Variants in PTPRF observed in about 807,000 individuals in gnomAD.
The protein encoded by PTPRF is receptor-type tyrosine-protein phosphatase F.
A neutral mutation model predicts 201.8 loss-of-function variants in PTPRF; 59 were observed. The observed-to-expected ratio is 0.29, with a 90% CI of 0.24 to 0.36. The LOEUF (loss-of-function observed/expected upper bound fraction) is 0.36. PTPRF is among the 10% of genes least tolerant of loss of function. The probability of loss-of-function intolerance (pLI) is 1.00; values close to 1 mark genes in which losing one functional copy is unlikely to be tolerated. For missense variants in PTPRF, 2,132 were observed against 2,690.5 expected (o/e 0.79, Z 4.59); for synonymous variants, 1,088 against 1,089.7 (o/e 1.00, Z 0.03).
At chr1:43,549,216 CAGA>C (rs1314287808) in intron 3 of PTPRF, among the ~76,000 whole-genome samples, 3 of 152,204 alleles carry the variant, frequency 2.0e-5, no homozygotes, top group Non-Finnish European at 4.4e-5. Context: ...GACCCAGTCT[CAGA>C]AGTTGTGTTC....
At chr1:43,614,313 G>A (rs1657199750) in intron 23 of PTPRF, among the ~76,000 whole-genome samples, 1 of 152,226 alleles carries the variant, frequency 6.6e-6, no homozygotes, top group East Asian at 1.9e-4. Flanking sequence ...GCTCACGTGT[G>A]TACTCCGATG....
chr1:43,609,560 C>A, intron 22 of PTPRF, 62 bp downstream of exon 22: 2 of 1,272,298 alleles, frequency 1.6e-6, no homozygotes, highest in Non-Finnish European at 1.1e-6. Context: ...TGGGTCTGTT[C>A]TGCAGGTCTC....
chr1:43,604,849 C>T, intron 16 of PTPRF, 54 bp from the exon 17 acceptor site: 3 of 1,484,868 alleles, frequency 2.0e-6, no homozygotes, highest in Non-Finnish European at 2.8e-6. Flanking sequence ...CCTTCCAGCC[C>T]ATTCACCCCA....
Position 43,536,875 on chromosome 1 carries a change from G to A in PTPRF, c.-125-1323G>A, listed in dbSNP as rs569912070. Among the ~76,000 whole-genome samples the A allele has an allele frequency of 8.5e-5, 13 of 152,278 alleles. No individual in the cohort carries two copies. In the South Asian group the frequency reaches 1.7e-3, roughly 19 times the overall value. ...GGGTCAGTTGGGATGGCCTTCAGTCGGTGAGAGTACCCCCATATTGGCAGA... is the reference window on the plus strand; with the variant it reads ...GGGTCAGTTGGGATGGCCTTCAGTCAGTGAGAGTACCCCCATATTGGCAGA... On this transcript the variant is annotated intron_variant, in intron 1 of 33. Transcript: ENST00000359947.
At chr1:43,609,680 C>T (rs760156749) in intron 22 of PTPRF, among the ~76,000 whole-genome samples, 182 bp downstream of exon 22, 1 of 152,212 alleles carries the variant, frequency 6.6e-6, no homozygotes, top group African/African-American at 2.4e-5. Context: ...CTGGGGAGCC[C>T]CCATATCCTG....
chr1:43,598,356 C>T lies in PTPRF; in HGVS notation c.2119+303C>T, dbSNP rs139145442. 137 of 459,092 alleles carry T rather than the reference C, an allele frequency of 3.0e-4. 1 individual carries two copies. The highest frequency in any genetic ancestry group is 2.4e-3 in the African/African-American group (122 of 50,476). The allele number at this position is 459,092 out of a possible 1,614,324, so 28.4% of individuals were successfully genotyped here. A position where few individuals can be genotyped will look rare whatever the true frequency, so the allele number is the denominator to read the frequency against. On this transcript the variant is annotated intron_variant, in intron 12 of 33. Transcript: ENST00000359947. ...TAAAAGATACTCAAAGTAGAATCAGCAAGACTCCACGTTGGCTGGACATTG... is the reference window on the plus strand; with the variant it reads ...TAAAAGATACTCAAAGTAGAATCAGTAAGACTCCACGTTGGCTGGACATTG...
chr1:43,609,942 C>T (rs976088601), intron 22 of PTPRF, among the ~76,000 whole-genome samples: 2 of 152,156 alleles, frequency 1.3e-5, no homozygotes, highest in Admixed American at 6.5e-5. Context: ...TCCTGGAGGC[C>T]GACCCCAGGT....
At chr1:43,613,457 G>A (rs1201165573) in intron 22 of PTPRF, 161 bp from the exon 23 acceptor site, 10 of 666,088 alleles carry the variant, frequency 1.5e-5, no homozygotes, top group East Asian at 2.7e-5. Flanking sequence ...CCCACCCTCC[G>A]CCATCCCTGT....
chr1:43,565,112 C>G (rs1291905716), intron 5 of PTPRF, among the ~76,000 whole-genome samples: 1 of 152,200 alleles, frequency 6.6e-6, no homozygotes, highest in East Asian at 1.9e-4. Flanking sequence ...GGAAAGCTTT[C>G]TGCCTCCCAT....
At chr1:43,563,598 G>A (rs1645958600) in intron 5 of PTPRF, among the ~76,000 whole-genome samples, 2 of 152,174 alleles carry the variant, frequency 1.3e-5, no homozygotes, top group Non-Finnish European at 2.9e-5. Context: ...AATGCCAAGA[G>A]AAAAAAGTGT....
At chr1:43,540,330 G>A (rs562346167) in intron 2 of PTPRF, among the ~76,000 whole-genome samples, 22 of 152,276 alleles carry the variant, frequency 1.4e-4, no homozygotes, top group African/African-American at 5.3e-4. Context: ...GAAAATTGGG[G>A]AGGGTCAGTG....
chr1:43,551,474 G>A (rs992674484), intron 3 of PTPRF, among the ~76,000 whole-genome samples: 1 of 152,122 alleles, frequency 6.6e-6, no homozygotes, highest in East Asian at 1.9e-4. Flanking sequence ...CTTCTGTGGT[G>A]TCTTCTTGTC....
intron 6 of PTPRF, among the ~76,000 whole-genome samples, chr1:43,570,181 G>T (rs1646473781): frequency 6.6e-6 from 1 of 152,204 alleles, no homozygotes. Context: ...AAAGGTGCCT[G>T]ATTCATCAGG....
At chr1:43,620,396 G>A in intron 30 of PTPRF, 58 bp from the exon 31 acceptor site, 1 of 1,551,904 alleles carries the variant, frequency 6.4e-7, no homozygotes, top group South Asian at 1.2e-5. Flanking sequence ...TGTGAAGCCT[G>A]GCACCCCTCC....
At chr1:43,550,194 G>T (rs771589250) in intron 3 of PTPRF, among the ~76,000 whole-genome samples, 12 of 152,194 alleles carry the variant, frequency 7.9e-5, no homozygotes, top group Non-Finnish European at 1.6e-4. Flanking sequence ...AGCCTCCAAG[G>T]GAGGGGAGTT....
chr1:43,542,535 A>G lies in PTPRF; in HGVS notation c.-45-2496A>G, dbSNP rs1298321895. Among the ~76,000 whole-genome samples the G allele has an allele frequency of 6.6e-6, 1 of 152,122 alleles. No homozygotes were observed. Among genetic ancestry groups the G allele is most frequent in the Non-Finnish European group, 1.5e-5 (1 of 68,004 alleles). On this transcript the variant is annotated intron_variant, in intron 2 of 33. Coordinates refer to ENST00000359947, the MANE Select transcript of PTPRF (RefSeq NM_002840.5). The surrounding 1 kb of genome is among the most constrained non-coding windows in gnomAD (Gnocchi z 5.2). ...CTGAGGCCCAAGTTCTCCAACACCC[A>G]TGGCCAGACTCTCATCCAGGCTTGT...
chr1:43,549,054 G>A (rs532093634), intron 3 of PTPRF, among the ~76,000 whole-genome samples: 29 of 152,280 alleles, frequency 1.9e-4, no homozygotes, highest in African/African-American at 5.8e-4. Context: ...GAATGTTGCC[G>A]TCCATACCCC....
intron 21 of PTPRF, among the ~76,000 whole-genome samples, chr1:43,607,521 C>T (rs1655413498): frequency 1.3e-5 from 2 of 152,204 alleles, no homozygotes; most frequent in African/African-American, 4.8e-5. Flanking sequence ...CGGCAGTGGC[C>T]ACCACCTGCC....
chr1:43,530,867 G>C (rs1212962429), upstream of PTPRF: 1 of 152,400 alleles, frequency 6.6e-6, no homozygotes, highest in Non-Finnish European at 1.5e-5. This position sits in a 1 kb window ranked among gnomAD's most constrained non-coding sequence, Gnocchi z 4.1. Flanking sequence ...CGCGCGGCTG[G>C]AGCTGGCGCG....
Sources: allele counts gnomAD v4.1 joint callset (sites outside exome capture counted in the v4.1 genomes callset), GRCh38; gene constraint gnomAD v4.1.1; non-coding constraint Gnocchi (gnomAD v3.1); transcripts MANE v1.5; gene names NCBI Gene and HGNC (gene_info 2026-07-23, HGNC 2026-07-21).